Variants in NEIL3 observed in about 807,000 individuals in gnomAD.
The protein encoded by NEIL3 is endonuclease 8-like 3.
In NEIL3, 48 loss-of-function variants were observed where a neutral mutation model predicts 57.5. The observed-to-expected ratio is 0.83, with a 90% CI of 0.66 to 1.06. The LOEUF (loss-of-function observed/expected upper bound fraction) is 1.06. Ranked by LOEUF, NEIL3 falls within the 50% of genes least tolerant of loss-of-function variation. The pLI, the probability that NEIL3 is intolerant of heterozygous loss-of-function variation, is 0.00. For missense variants in NEIL3, 717 were observed against 739.1 expected, an observed-to-expected ratio of 0.97 and a Z score of 0.35; for synonymous variants, 261 against 253.2, an observed-to-expected ratio of 1.03 and a Z score of -0.29.
At chr4:177,366,419 A>G (rs746756790), downstream of NEIL3, among the ~76,000 whole-genome samples, 17 of 152,204 alleles carry the variant, frequency 1.1e-4, no homozygotes, top group Non-Finnish European at 1.9e-4. Context: ...TTATTTTGAG[A>G]TGGAGTCTCG....
At chr4:177,328,840 A>G (rs1416225253) in intron 2 of NEIL3, among the ~76,000 whole-genome samples, 1 of 152,178 alleles carries the variant, frequency 6.6e-6, no homozygotes, top group African/African-American at 2.4e-5. Context: ...ACTTTATAAC[A>G]TATGTCAGAG....
rs1340158205 is a variant in NEIL3 at position 177,353,433 on chromosome 4, A to G, written c.1165A>G (p.Thr389Ala). ...CAGAAAAACTGCATTTGGAACTACA[A>G]CTCTTGTCTTGACTGATTTTAGCAA... ...INRKTAFGTT[T>A]LVLTDFSNKS... The change falls in exon 8 of 10, where the codon ACT becomes GCT. Residue 389 changes from threonine to alanine, a missense_variant. Thr to Ala is a moderately conservative substitution (Grantham distance 58, BLOSUM62 0). Coordinates refer to ENST00000264596, the MANE Select transcript of NEIL3 (RefSeq NM_018248.3). 1.2e-6 allele frequency: 2 copies of G among 1,613,906 alleles called. No homozygotes were observed. The highest frequency in any genetic ancestry group is 1.7e-6 in the Non-Finnish European group (2 of 1,179,956).
At chr4:177,353,265 A>G (rs1705645167) in intron 7 of NEIL3, 43 bp from the exon 8 acceptor site, 1 of 1,480,578 alleles carries the variant, frequency 6.8e-7, no homozygotes, top group Non-Finnish European at 9.3e-7. Flanking sequence ...TCAGTATGTT[A>G]TATTTATGGG....
chr4:177,324,778 A>C (rs1734748299), intron 2 of NEIL3, among the ~76,000 whole-genome samples: 1 of 152,144 alleles, frequency 6.6e-6, no homozygotes, highest in Non-Finnish European at 1.5e-5. Flanking sequence ...ATACATTCTC[A>C]ATCCCACTAC....
chr4:177,329,755 C>T (rs968910460), intron 2 of NEIL3, among the ~76,000 whole-genome samples: 1 of 152,146 alleles, frequency 6.6e-6, no homozygotes, highest in Non-Finnish European at 1.5e-5. Context: ...CCCAACAACA[C>T]ATGCTTTTCA....
chr4:177,317,169 A>G (rs1734589330), intron 1 of NEIL3, among the ~76,000 whole-genome samples: 1 of 152,228 alleles, frequency 6.6e-6, no homozygotes, highest in African/African-American at 2.4e-5. Context: ...ATTAACATTC[A>G]TCAGGCGATA....
chr4:177,357,544 A>C (rs1257215417), intron 8 of NEIL3, among the ~76,000 whole-genome samples: 1 of 152,212 alleles, frequency 6.6e-6, no homozygotes, highest in Non-Finnish European at 1.5e-5. Context: ...ATCTGTGCTT[A>C]GTAATGTCTT....
Position 177,341,617 on chromosome 4 carries a change from G to T in NEIL3, c.844G>T (p.Glu282Ter), listed in dbSNP as rs1560915898. ...MTYFCPHCQKENPQHVDICKL... is the reference protein window; with the variant it reads ...MTYFCPHCQK ...ATATTTCTGTCCTCACTGTCAAAAA[G>T]AAAATCCTCAACATGTTGACATATG... is the stretch of plus-strand genomic sequence containing the variant. Residue 282 changes from glutamate to a stop codon, truncating the protein, a stop_gained, in exon 6 of 10, where the codon GAA becomes TAA. Coordinates refer to ENST00000264596, the MANE Select transcript of NEIL3 (RefSeq NM_018248.3). LOFTEE classifies it high-confidence loss of function. 6.2e-7 allele frequency: 1 copy of T among 1,613,208 alleles called. No individual in the cohort carries two copies.
intron 8 of NEIL3, among the ~76,000 whole-genome samples, chr4:177,359,114 A>T (rs17064712): frequency 6.6e-6 from 1 of 152,208 alleles, no homozygotes; most frequent in African/African-American, 2.4e-5. Context: ...TGTGGAAAAG[A>T]AAAGTCCTCT....
intron 7 of NEIL3, among the ~76,000 whole-genome samples, chr4:177,353,002 A>T (rs1253005353): frequency 6.6e-6 from 1 of 152,308 alleles, no homozygotes; most frequent in East Asian, 1.9e-4. Flanking sequence ...TTTGCCTAAT[A>T]TTAGCAAAAC....
At chr4:177,340,834 G>T (rs1159367834) in intron 5 of NEIL3, among the ~76,000 whole-genome samples, 1 of 152,082 alleles carries the variant, frequency 6.6e-6, no homozygotes, top group Non-Finnish European at 1.5e-5. Flanking sequence ...TTTGTGAGTG[G>T]AATAAAACTG....
chr4:177,310,925 A>G (rs1578982855), intron 1 of NEIL3, among the ~76,000 whole-genome samples: 1 of 152,374 alleles, frequency 6.6e-6, no homozygotes, highest in South Asian at 2.1e-4. Context: ...TGAAATTAGC[A>G]TATGCTTACA....
At position 177,353,646 on chromosome 4, in the gene NEIL3, T is replaced by C; in HGVS notation, c.1378T>C (p.Phe460Leu). 1 of 1,613,866 alleles carries C rather than the reference T, an allele frequency of 6.2e-7. No homozygotes were observed. The highest frequency in any genetic ancestry group is 8.5e-7 in the Non-Finnish European group (1 of 1,179,758). ...TACAATCAGTTCAGAATCTAAATTA[T>C]TTAGTCCAGCACATAAAAAACCGAA... The part of the protein sequence containing the change: ...SPTISSESKL[F>L]SPAHKKPKTA... Residue 460 changes from phenylalanine (F) to leucine (L), a missense_variant, in exon 8 of 10, where the codon TTT becomes CTT. Transcript: ENST00000264596.
Position 177,331,972 on chromosome 4 carries a change from T to C in NEIL3, c.279-3716T>C, listed in dbSNP as rs137909620. Among the ~76,000 whole-genome samples, 561 of 152,336 alleles carry C rather than the reference T, an allele frequency of 3.7e-3. 6 individuals are homozygous for C. The highest frequency in any genetic ancestry group is 0.012 in the African/African-American group (480 of 41,572). The stretch of plus-strand genomic sequence containing the variant: ...CTCTCAGCTTTCAGCACATCTTGCA[T>C]ATTCATGTCACAGAGAAAGTCTCTC... On this transcript the variant is annotated intron_variant, in intron 2 of 9. Coordinates refer to ENST00000264596, the MANE Select transcript of NEIL3 (RefSeq NM_018248.3).
chr4:177,313,949 C>G lies in NEIL3; in HGVS notation c.156+3840C>G, dbSNP rs529372372. 5.3e-5 allele frequency among the ~76,000 whole-genome samples: 8 copies of G among 152,210 alleles called. No individual in the cohort carries two copies. In the South Asian group the frequency reaches 1.5e-3, roughly 28 times the overall value. On this transcript the variant is annotated intron_variant, in intron 1 of 9. Transcript: ENST00000264596. ...TTGTTGTGCATGTTATATGGAAATT[C>G]CTACTACCAGAATATAAACCAGGTA... is the stretch of plus-strand genomic sequence containing the variant.
At chr4:177,345,807 G>A (rs1381874130) in intron 6 of NEIL3, among the ~76,000 whole-genome samples, 8 of 148,720 alleles carry the variant, frequency 5.4e-5, no homozygotes, top group South Asian at 2.2e-4. Context: ...CTCCTACCTC[G>A]GCCTCCCAGG....
intron 1 of NEIL3, among the ~76,000 whole-genome samples, chr4:177,320,473 T>C: frequency 1.2e-5 from 1 of 82,690 alleles, no homozygotes; most frequent in South Asian, 3.9e-4. Flanking sequence ...TGTCTTTTTT[T>C]TTTTTTTTTT....
chr4:177,317,412 A>T (rs1257384547), intron 1 of NEIL3, among the ~76,000 whole-genome samples: 1 of 152,046 alleles, frequency 6.6e-6, no homozygotes, highest in East Asian at 1.9e-4. Context: ...ATGCATTTTA[A>T]GTATATTGGG....
At chr4:177,356,107 C>T (rs1455660348) in intron 8 of NEIL3, among the ~76,000 whole-genome samples, 1 of 152,008 alleles carries the variant, frequency 6.6e-6, no homozygotes, top group South Asian at 2.1e-4. Context: ...TTTTCTGTTC[C>T]GTGGCTTAAG....
Sources: allele counts gnomAD v4.1 joint callset (sites outside exome capture counted in the v4.1 genomes callset), GRCh38; gene constraint gnomAD v4.1.1; transcripts MANE v1.5; gene names NCBI Gene and HGNC (gene_info 2026-07-23, HGNC 2026-07-21).